Variants in SYT7 observed in about 807,000 individuals in gnomAD.
SYT7 encodes synaptotagmin 7, also known as synaptotagmin-7.
In SYT7, 29 loss-of-function variants were observed where a neutral mutation model predicts 75.1. The observed-to-expected ratio is 0.39, with a 90% CI of 0.29 to 0.53. The LOEUF is 0.53. Among genes scored for constraint, SYT7 ranks in the 20% least tolerant of loss-of-function variants. SYT7 has a pLI of 0.77. For missense variants in SYT7, 693 were observed against 953.2 expected (o/e 0.73, Z 3.59); for synonymous variants, 376 against 401.7 (o/e 0.94, Z 0.76).
At chr11:61,570,010 C>G (rs2063878925) in intron 1 of SYT7, among the ~76,000 whole-genome samples, 1 of 152,260 alleles carries the variant, frequency 6.6e-6, no homozygotes, top group African/African-American at 2.4e-5. Context: ...CAACCTGCCA[C>G]CCCCTCGAGT....
In SYT7 at chr11:61,514,272, G is replaced by A. The variant is rs1444546065; in HGVS notation, c.*4355C>T. Among the ~76,000 whole-genome samples, 1 of 152,238 alleles carries A rather than the reference G, an allele frequency of 6.6e-6. No homozygotes were observed. The highest frequency in any genetic ancestry group is 1.5e-5 in the Non-Finnish European group (1 of 68,050). ...AGAAGCTCTGGCCAAGGGAGCCCCT[G>A]AGGCTACTTACCTGACCCCGGGGCT... On this transcript the variant is annotated 3_prime_UTR_variant, in exon 13 of 13. Coordinates refer to ENST00000539008, the MANE Select transcript of SYT7 (RefSeq NM_001365809.2).
At chr11:61,564,643 T>C (rs527701355) in intron 1 of SYT7, among the ~76,000 whole-genome samples, 3 of 152,252 alleles carry the variant, frequency 2.0e-5, no homozygotes, top group African/African-American at 7.2e-5. Flanking sequence ...GAGCCACGCC[T>C]TGAAATCAGA....
At chr11:61,557,363 G>C (rs967656626) in intron 1 of SYT7, among the ~76,000 whole-genome samples, 8 of 152,198 alleles carry the variant, frequency 5.3e-5, no homozygotes, top group Admixed American at 1.3e-4. Flanking sequence ...GTATCTGTCT[G>C]GTTCTGGTTC....
intron 8 of SYT7, among the ~76,000 whole-genome samples, chr11:61,529,522 G>A (rs2062637074): frequency 6.6e-6 from 1 of 152,130 alleles, no homozygotes; most frequent in Non-Finnish European, 1.5e-5. Flanking sequence ...TCAAAATCCT[G>A]CTCTTTCCAC....
At chr11:61,579,752 G>A (rs917709692) in intron 1 of SYT7, among the ~76,000 whole-genome samples, 4 of 152,236 alleles carry the variant, frequency 2.6e-5, no homozygotes, top group African/African-American at 9.6e-5. Context: ...GAGGGAGCCT[G>A]GAGGCTCTTC....
intron 8 of SYT7, among the ~76,000 whole-genome samples, chr11:61,530,175 A>G (rs1590845191): frequency 6.6e-6 from 1 of 152,288 alleles, no homozygotes; most frequent in African/African-American, 2.4e-5. Flanking sequence ...TGGGAATGGA[A>G]CCCAGTTTAT....
At chr11:61,587,766 G>C in the SYT7 span, among the ~76,000 whole-genome samples, 1 of 152,260 alleles carries the variant, frequency 6.6e-6, no homozygotes, top group Non-Finnish European at 1.5e-5. Flanking sequence ...CTGCAACTTG[G>C]ACGGACCCAC....
In SYT7 at chr11:61,547,263, C is replaced by T. The variant is rs1353143822; in HGVS notation, c.261G>A (p.Gln87=). 3 of 1,535,814 alleles carry T rather than the reference C, an allele frequency of 2.0e-6. No individual in the cohort carries two copies. The South Asian group carries it at 3.6e-5, about 18-fold the overall frequency. The change falls in exon 4 of 13, where the codon CAG becomes CAA. Residue 87 remains glutamine, a synonymous_variant. Transcript: ENST00000539008. ...DFWNNNESTV[Q]QKWSSYPPKE... is the part of the protein sequence containing the mutation. Reference sequence around the variant, plus strand: ...TGGGAGGGTAGGAGCTCCATTTCTGCTGCACTGTGCTCTCATTGTTATTCC... The same window carrying T: ...TGGGAGGGTAGGAGCTCCATTTCTGTTGCACTGTGCTCTCATTGTTATTCC...
At chr11:61,531,301 G>A (rs1010388472) in intron 8 of SYT7, among the ~76,000 whole-genome samples, 149 of 152,352 alleles carry the variant, frequency 9.8e-4, no homozygotes, top group African/African-American at 3.4e-3. Context: ...CTTCCCTGGG[G>A]GCAGCAAGGG....
chr11:61,538,391 G>GAGAGAGAGAA, intron 6 of SYT7, 125 bp from the exon 7 acceptor site: 5 of 566,514 alleles, frequency 8.8e-6, no homozygotes, highest in Non-Finnish European at 1.4e-5. Context: ...GAGAGAGAAA[G>GAGAGAGAGAA]AGAGAGAGAG....
chr11:61,566,899 C>A (rs2063784533), intron 1 of SYT7, among the ~76,000 whole-genome samples: 1 of 152,236 alleles, frequency 6.6e-6, no homozygotes, highest in African/African-American at 2.4e-5. Context: ...CTCCCCGAGT[C>A]ATAGGCTTCC....
At chr11:61,525,449 G>A (rs1382734652) in intron 9 of SYT7, among the ~76,000 whole-genome samples, 1 of 151,708 alleles carries the variant, frequency 6.6e-6, no homozygotes, top group Non-Finnish European at 1.5e-5. Context: ...TCAACACCCC[G>A]ACTCCTCCCG....
chr11:61,543,624 C>A (rs761037267), intron 5 of SYT7, among the ~76,000 whole-genome samples: 5 of 152,220 alleles, frequency 3.3e-5, no homozygotes, highest in Non-Finnish European at 5.9e-5. Flanking sequence ...ATAAAATAAT[C>A]CCCGAGCTTC....
At chr11:61,547,874 T>C (rs1465822711) in intron 3 of SYT7, among the ~76,000 whole-genome samples, 2 of 152,196 alleles carry the variant, frequency 1.3e-5, no homozygotes, top group African/African-American at 4.8e-5. Flanking sequence ...ATAAAAGCTC[T>C]AGTACTGGAG....
intron 9 of SYT7, 62 bp downstream of exon 9, chr11:61,527,852 TG>T: frequency 1.3e-6 from 2 of 1,581,896 alleles, no homozygotes; most frequent in Non-Finnish European, 8.6e-7. Flanking sequence ...CAAGTGTGGT[TG>T]GGTAGGGGGA....
At chr11:61,529,615 G>A (rs1011424201) in intron 8 of SYT7, among the ~76,000 whole-genome samples, 1 of 152,216 alleles carries the variant, frequency 6.6e-6, no homozygotes, top group East Asian at 1.9e-4. Flanking sequence ...CAGGTGAAAA[G>A]CGTCGGAATC....
chr11:61,585,852 CTGT>C (rs2064375035), upstream of SYT7, among the ~76,000 whole-genome samples: 2 of 152,176 alleles, frequency 1.3e-5, no homozygotes, highest in Admixed American at 1.3e-4. Flanking sequence ...CTACCTCTGC[CTGT>C]TTCTCTGTTT....
intron 1 of SYT7, among the ~76,000 whole-genome samples, chr11:61,567,557 AC>A (rs1464472503): frequency 6.6e-6 from 1 of 152,174 alleles, no homozygotes; most frequent in Non-Finnish European, 1.5e-5. Context: ...CTATGGCAGC[AC>A]CCAGTGACCT....
At chr11:61,567,435 C>T (rs2063801626) in intron 1 of SYT7, among the ~76,000 whole-genome samples, 1 of 151,988 alleles carries the variant, frequency 6.6e-6, no homozygotes, top group South Asian at 2.1e-4. Context: ...TGGGGCTGCG[C>T]CCTCTTCCAG....
Sources: gnomAD v4.1 joint callset for allele counts (sites outside exome capture counted in the v4.1 genomes callset) on GRCh38, gnomAD v4.1.1 for gene constraint, MANE v1.5 for transcripts, NCBI Gene and HGNC (gene_info 2026-07-23, HGNC 2026-07-21) for gene names.